TPRKB: variants seen among roughly 807,000 people sequenced by gnomAD.
TPRKB encodes the protein TP53RK binding protein, also known as EKC/KEOPS complex subunit TPRKB.
Under a neutral mutation model 17.8 loss-of-function variants are expected in TPRKB, and 11 were observed. That is an observed-to-expected ratio of 0.62 (90% CI 0.39 to 1.02). The LOEUF is 1.02. Among genes scored for constraint, TPRKB ranks in the 50% least tolerant of loss-of-function variants. The pLI, the probability that TPRKB is intolerant of heterozygous loss-of-function variation, is 0.00. For synonymous variants in TPRKB, 71 were observed against 69.5 expected, an observed-to-expected ratio of 1.02 and a Z score of -0.11; for missense variants, 228 against 198.0, an observed-to-expected ratio of 1.15 and a Z score of -0.91.
At chr2:73,736,662 G>T (rs980134217) in intron 1 of TPRKB, among the ~76,000 whole-genome samples, 7 of 152,168 alleles carry the variant, frequency 4.6e-5, no homozygotes, top group Non-Finnish European at 7.3e-5. Flanking sequence ...CCATACGCTA[G>T]GTCACATCGC....
intron 3 of TPRKB, among the ~76,000 whole-genome samples, chr2:73,731,534 G>GT (rs1671610445): frequency 6.6e-6 from 1 of 152,146 alleles, no homozygotes; most frequent in African/African-American, 2.4e-5. Flanking sequence ...TATGCTACAG[G>GT]TTTCCTGTAG....
At chr2:73,733,246 G>T (rs1039438761) in intron 2 of TPRKB, among the ~76,000 whole-genome samples, 37 of 119,400 alleles carry the variant, frequency 3.1e-4, no homozygotes, top group Middle Eastern at 5.2e-3. Flanking sequence ...CGTGTGCCCT[G>T]TTTTTTTGTT....
At chr2:73,732,621 A>G in intron 2 of TPRKB, 1 of 198,088 alleles carries the variant, frequency 5.0e-6, no homozygotes, top group Non-Finnish European at 1.0e-5. Context: ...AGGCAGGACA[A>G]TTGCTTGAAC....
At chr2:73,735,483 T>C (rs187089860) in intron 1 of TPRKB, among the ~76,000 whole-genome samples, 1 of 151,972 alleles carries the variant, frequency 6.6e-6, no homozygotes, top group African/African-American at 2.4e-5. Context: ...ACTTAAAGTA[T>C]AAAAATAAAA....
intron 1 of TPRKB, among the ~76,000 whole-genome samples, chr2:73,735,579 C>G (rs1671842477): frequency 6.6e-6 from 1 of 152,116 alleles, no homozygotes; most frequent in African/African-American, 2.4e-5. Flanking sequence ...ATTAAATAAT[C>G]AATGTCGCTC....
chr2:73,736,398 T>G lies in TPRKB; in HGVS notation c.-23+904A>C, dbSNP rs970154706. 5.3e-5 allele frequency among the ~76,000 whole-genome samples: 8 copies of G among 152,202 alleles called. 1 individual carries two copies. The highest frequency in any genetic ancestry group is 1.9e-4 in the African/African-American group (8 of 41,460). Reference sequence around the variant, plus strand: ...ATATTTTGTTATGTATGTTCTGAATTTTCTACAGTAAGCACACAAAACATG... The same window carrying G: ...ATATTTTGTTATGTATGTTCTGAATGTTCTACAGTAAGCACACAAAACATG... On this transcript the variant is annotated intron_variant, in intron 1 of 4. Transcript: ENST00000272424.
At position 73,737,291 on chromosome 2, in the gene TPRKB, G is replaced by C. The variant is rs1424416586; in HGVS notation, c.-23+11C>G. On this transcript the variant is annotated intron_variant, in intron 1 of 4. Coordinates refer to ENST00000272424, the MANE Select transcript of TPRKB (RefSeq NM_016058.5). ...CCCGAGCCTGCCCGTTAGAGCGCAA[G>C]GAAAACTCACCATCCGGCCCCCAGT... The C allele has an allele frequency of 1.3e-5, 2 of 152,356 alleles. No homozygotes were observed. Among genetic ancestry groups the C allele is most frequent in the African/African-American group, 2.4e-5 (1 of 41,554 alleles). 9.4% of individuals were successfully genotyped at this position (152,356 alleles called of 1,614,324 possible).
intron 2 of TPRKB, 191 bp from the exon 3 acceptor site, chr2:73,732,476 C>A (rs1671661610): frequency 3.4e-6 from 2 of 583,962 alleles, no homozygotes. Flanking sequence ...CTTTGGGAGG[C>A]CAAGGTGGGT....
chr2:73,732,614 C>T, intron 2 of TPRKB: 1 of 211,372 alleles, frequency 4.7e-6, no homozygotes, highest in South Asian at 7.0e-5. Context: ...GAGGCTGAGG[C>T]AGGACAATTG....
chr2:73,732,451 C>G (rs766039715), intron 2 of TPRKB, 166 bp from the exon 3 acceptor site: 3 of 753,020 alleles, frequency 4.0e-6, no homozygotes, highest in Non-Finnish European at 6.2e-6. Context: ...GTGGCTCACA[C>G]CTGTAATCCT....
chr2:73,730,670 C>G lies in TPRKB; in HGVS notation c.331G>C (p.Glu111Gln). The G allele has an allele frequency of 6.3e-7, 1 of 1,579,806 alleles. No homozygotes were observed. Among genetic ancestry groups the G allele is most frequent in the Non-Finnish European group, 8.6e-7 (1 of 1,168,564 alleles). Reference protein sequence around the residue: ...NDTSILIVYIEEGEKQINQEY... With the variant: ...NDTSILIVYIQEGEKQINQEY... ...TGATTTATTTGTTTTTCTCCCTCTT[C>G]AATGTAAACAATTAGAATTGAAGTG... The change falls in exon 4 of 5, where the codon GAA (glutamate) becomes CAA (glutamine). Residue 111 changes from glutamate to glutamine, a missense_variant. Transcript: ENST00000272424.
chr2:73,730,025 T>C lies in TPRKB; in HGVS notation c.446A>G (p.Tyr149Cys), dbSNP rs1233885358. The change falls in exon 5 of 5, where the codon TAT becomes TGT. Residue 149 changes from tyrosine to cysteine, a missense_variant. Transcript: ENST00000272424. ...IMNITEVKKI[Y>C]KLSSQEESIG... ...ACTTTCTTCTTGTGAAGAGAGTTTATATATCTGTAAAAATGAAAGACAAAT... is the reference window on the plus strand; with the variant it reads ...ACTTTCTTCTTGTGAAGAGAGTTTACATATCTGTAAAAATGAAAGACAAAT... The C allele has an allele frequency of 3.2e-6, 5 of 1,562,288 alleles. No homozygotes were observed. Among genetic ancestry groups the C allele is most frequent in the Non-Finnish European group, 4.3e-6 (5 of 1,152,600 alleles).
In TPRKB at chr2:73,730,152, C is replaced by A. The variant is rs1671531503; in HGVS notation, c.442-123G>T. The A allele has an allele frequency of 4.4e-6, 5 of 1,145,240 alleles. No homozygotes were observed. In the East Asian group the frequency reaches 1.3e-4, roughly 29 times the overall value. The allele number at this position is 1,145,240 out of a possible 1,614,324, so 70.9% of individuals were successfully genotyped here. ...ATTATTGGGTTCATGGTATAACAAA[C>A]AACAAATGTGATTAAAATATTCAAA... On this transcript the variant is annotated intron_variant, in intron 4 of 4. Transcript: ENST00000272424.
intron 1 of TPRKB, among the ~76,000 whole-genome samples, chr2:73,735,674 C>T (rs1671847144): frequency 6.6e-6 from 1 of 152,062 alleles, no homozygotes; most frequent in Non-Finnish European, 1.5e-5. Flanking sequence ...ACTTGAATAA[C>T]CAGAAAGACA....
At chr2:73,736,944 C>G (rs961957530) in intron 1 of TPRKB, among the ~76,000 whole-genome samples, 2 of 152,062 alleles carry the variant, frequency 1.3e-5, no homozygotes, top group Admixed American at 6.6e-5. Flanking sequence ...ACAGGTAGTT[C>G]CCTCTCTCCT....
At chr2:73,735,700 A>G (rs953929323) in intron 1 of TPRKB, among the ~76,000 whole-genome samples, 1 of 152,238 alleles carries the variant, frequency 6.6e-6, no homozygotes, top group Non-Finnish European at 1.5e-5. Context: ...ATATCTTTGA[A>G]TGGAAAAACT....
intron 4 of TPRKB, chr2:73,730,330 TTC>T: frequency 2.3e-6 from 1 of 442,870 alleles, no homozygotes; most frequent in Non-Finnish European, 3.9e-6. Context: ...TTTAAAGGTA[TTC>T]TCTTTCTTAA....
At chr2:73,735,116 G>T (rs1408167850) in intron 1 of TPRKB, among the ~76,000 whole-genome samples, 5 of 152,134 alleles carry the variant, frequency 3.3e-5, no homozygotes, top group African/African-American at 1.2e-4. Flanking sequence ...ATCACCTGAG[G>T]TTGGGAGTTC....
Position 73,734,372 on chromosome 2 carries a change from T to TA in TPRKB, c.141+56dup, listed in dbSNP as rs1671778919. 1.9e-6 allele frequency: 3 copies of TA among 1,554,724 alleles called. No homozygotes were observed. In the Admixed American group the frequency reaches 5.9e-5, roughly 31 times the overall value. ...CCTCGGCCTCCTAAAGTGCTGGCAT[T>TA]ACAGGCGTGAGCCACCGCACCCAGC... On this transcript the variant is annotated intron_variant, in intron 2 of 4. Transcript: ENST00000272424.
Sources: allele counts gnomAD v4.1 joint callset (sites outside exome capture counted in the v4.1 genomes callset), GRCh38; gene constraint gnomAD v4.1.1; transcripts MANE v1.5; gene names NCBI Gene and HGNC (gene_info 2026-07-23, HGNC 2026-07-21).